Variants in C12orf42 observed in about 807,000 individuals in gnomAD.
The protein encoded by C12orf42 is chromosome 12 open reading frame 42, also known as uncharacterized protein C12orf42.
In C12orf42, 25 loss-of-function variants were observed where a neutral mutation model predicts 21.6. The ratio of observed to expected loss-of-function variants is 1.16; its 90% CI spans 0.84 to 1.62. C12orf42 has a LOEUF of 1.62. Among genes scored for constraint, C12orf42 ranks in the 40% most tolerant of loss-of-function variants. The pLI is 0.00. For missense variants in C12orf42, 483 were observed against 459.3 expected (o/e 1.05, Z -0.47); for synonymous variants, 174 against 175.0 (o/e 0.99, Z 0.05).
intron 4 of C12orf42, among the ~76,000 whole-genome samples, chr12:103,327,986 C>T (rs776281216): frequency 6.6e-6 from 1 of 152,132 alleles, no homozygotes; most frequent in South Asian, 2.1e-4. Context: ...GATCTTGACT[C>T]AGAAATGGCT....
At chr12:103,152,968 T>C in the C12orf42 span, among the ~76,000 whole-genome samples, 14 of 152,220 alleles carry the variant, frequency 9.2e-5, no homozygotes, top group Admixed American at 8.5e-4. Flanking sequence ...ACTCCAGCAG[T>C]TTTTACTTTT....
the C12orf42 span, among the ~76,000 whole-genome samples, chr12:103,204,590 A>T: frequency 6.6e-6 from 1 of 152,198 alleles, no homozygotes; most frequent in Non-Finnish European, 1.5e-5. Context: ...TTGCAAAGCA[A>T]ATCATTTCTC....
chr12:103,364,141 G>A (rs1260709514), intron 4 of C12orf42, among the ~76,000 whole-genome samples: 1 of 152,002 alleles, frequency 6.6e-6, no homozygotes, highest in Admixed American at 6.6e-5. Context: ...ATTATATCAA[G>A]TACTCTCTCA....
At chr12:103,484,866 T>C in intron 1 of C12orf42, among the ~76,000 whole-genome samples, 1 of 136,800 alleles carries the variant, frequency 7.3e-6, no homozygotes, top group South Asian at 2.5e-4. Flanking sequence ...GGTTTCAGTT[T>C]TTTTTTTTTT....
intron 10 of C12orf42, among the ~76,000 whole-genome samples, chr12:103,254,322 G>A (rs1460997123): frequency 6.6e-6 from 1 of 151,942 alleles, no homozygotes; most frequent in Non-Finnish European, 1.5e-5. Context: ...AGAACTTAAA[G>A]TGAAATATAA....
the C12orf42 span, among the ~76,000 whole-genome samples, chr12:103,537,220 T>C: frequency 6.6e-6 from 1 of 152,106 alleles, no homozygotes; most frequent in Non-Finnish European, 1.5e-5. Flanking sequence ...GAGAAAGAAA[T>C]AGAATTTTCC....
At chr12:103,247,823 A>C (rs1387805844) in intron 10 of C12orf42, among the ~76,000 whole-genome samples, 1 of 152,012 alleles carries the variant, frequency 6.6e-6, no homozygotes, top group East Asian at 1.9e-4. Context: ...TGAACTGTTT[A>C]AGACTTAGTT....
intron 2 of C12orf42, among the ~76,000 whole-genome samples, chr12:103,457,178 T>G (rs1033860498): frequency 2.6e-5 from 4 of 152,192 alleles, no homozygotes; most frequent in Admixed American, 2.6e-4. Flanking sequence ...ATTTATTTAT[T>G]TATTTTTCTA....
the C12orf42 span, among the ~76,000 whole-genome samples, chr12:103,109,891 T>C: frequency 6.6e-6 from 1 of 152,120 alleles, no homozygotes; most frequent in African/African-American, 2.4e-5. Context: ...GAAATGGTTA[T>C]TAATGAAGTA....
At chr12:103,061,338 G>A in the C12orf42 span, among the ~76,000 whole-genome samples, 3 of 152,178 alleles carry the variant, frequency 2.0e-5, no homozygotes, top group Admixed American at 2.0e-4. Flanking sequence ...GTATAGGAAA[G>A]TAATGTTTAT....
chr12:103,518,814 A>G, the C12orf42 span, among the ~76,000 whole-genome samples: 91 of 152,150 alleles, frequency 6.0e-4, no homozygotes, highest in African/African-American at 2.1e-3. Flanking sequence ...CCTACTTCCC[A>G]TCTTTACAAT....
intron 4 of C12orf42, among the ~76,000 whole-genome samples, chr12:103,310,441 A>AT (rs2038865691): frequency 6.6e-6 from 1 of 152,166 alleles, no homozygotes; most frequent in Non-Finnish European, 1.5e-5. Flanking sequence ...AGAAATATGT[A>AT]TTTTTATGCA....
At chr12:103,166,770 T>C in the C12orf42 span, among the ~76,000 whole-genome samples, 1 of 152,218 alleles carries the variant, frequency 6.6e-6, no homozygotes, top group Non-Finnish European at 1.5e-5. Context: ...TATGATGAGA[T>C]GGGTAAATAT....
intron 4 of C12orf42, among the ~76,000 whole-genome samples, chr12:103,346,765 G>A (rs556132758): frequency 9.8e-5 from 15 of 152,294 alleles, no homozygotes; most frequent in African/African-American, 2.9e-4. Context: ...CTCATGTGCT[G>A]TTGGCCCTGT....
chr12:103,444,912 C>A (rs1951485086), intron 2 of C12orf42, among the ~76,000 whole-genome samples: 1 of 151,780 alleles, frequency 6.6e-6, no homozygotes, highest in Non-Finnish European at 1.5e-5. Flanking sequence ...TGATATATTT[C>A]TTCTACTTCT....
chr12:103,088,964 G>A, the C12orf42 span, among the ~76,000 whole-genome samples: 11 of 151,954 alleles, frequency 7.2e-5, no homozygotes, highest in Non-Finnish European at 1.0e-4. Context: ...TCAGCCGGGC[G>A]TGGTGGTGGC....
the C12orf42 span, among the ~76,000 whole-genome samples, chr12:103,520,510 A>G: frequency 6.6e-6 from 1 of 151,686 alleles, no homozygotes; most frequent in African/African-American, 2.4e-5. Flanking sequence ...GCAACATAAT[A>G]AGACCTCTGC....
At chr12:103,136,794 C>G in the C12orf42 span, among the ~76,000 whole-genome samples, 1 of 152,216 alleles carries the variant, frequency 6.6e-6, no homozygotes, top group Non-Finnish European at 1.5e-5. Context: ...GACACCCTCT[C>G]TTCAATTAGT....
At chr12:103,078,025 G>A in the C12orf42 span, among the ~76,000 whole-genome samples, 1 of 152,026 alleles carries the variant, frequency 6.6e-6, no homozygotes, top group African/African-American at 2.4e-5. Flanking sequence ...AAGCAGCACT[G>A]GATTAAGGCC....
Sources: gnomAD v4.1 joint callset for allele counts (sites outside exome capture counted in the v4.1 genomes callset) on GRCh38, gnomAD v4.1.1 for gene constraint, MANE v1.5 for transcripts, NCBI Gene and HGNC (gene_info 2026-07-23, HGNC 2026-07-21) for gene names.